Variants in JADE3 observed in about 807,000 individuals in gnomAD.
The protein encoded by JADE3 is jade family PHD finger 3.
JADE3 carries 2 observed loss-of-function variants against 50.1 expected under a neutral mutation model. The observed-to-expected ratio is 0.04, with a 90% CI of 0.02 to 0.13. The LOEUF is 0.13. JADE3 is among the 10% of genes least tolerant of loss of function. JADE3 has a pLI of 1.00. For synonymous variants in JADE3, 218 were observed against 232.9 expected (o/e 0.94, Z 0.58); for missense variants, 475 against 634.4 (o/e 0.75, Z 2.70).
intron 8 of JADE3, among the ~76,000 whole-genome samples, chrX:47,049,638 G>A (rs146640989): frequency 0.016 from 1,701 of 106,655 alleles, 34 homozygotes; most frequent in African/African-American, 0.056. Flanking sequence ...TAGAGACAGG[G>A]TTTCGTCATG....
At chrX:46,972,414 T>A (rs782250781) in intron 1 of JADE3, among the ~76,000 whole-genome samples, 1 of 111,679 alleles carries the variant, frequency 9.0e-6, no homozygotes, top group African/African-American at 3.2e-5. Context: ...CAGGCTGATC[T>A]CGAACTCCTG....
At chrX:46,972,413 C>A (rs914755745) in intron 1 of JADE3, among the ~76,000 whole-genome samples, 1 of 111,392 alleles carries the variant, frequency 9.0e-6, no homozygotes, top group Non-Finnish European at 1.9e-5. Flanking sequence ...CCAGGCTGAT[C>A]TCGAACTCCT....
At chrX:47,038,784 G>A (rs1260959558) in intron 7 of JADE3, among the ~76,000 whole-genome samples, 165 bp from the exon 8 acceptor site, 10 of 111,400 alleles carry the variant, frequency 9.0e-5, no homozygotes, top group African/African-American at 3.3e-4. Flanking sequence ...GGACTGAGCA[G>A]TGGAAATAAG....
intron 4 of JADE3, among the ~76,000 whole-genome samples, chrX:47,011,173 C>T (rs1193195055): frequency 8.9e-6 from 1 of 112,420 alleles, no homozygotes; most frequent in East Asian, 2.8e-4. Flanking sequence ...TTCATAACAA[C>T]CACTAGTCTG....
chrX:47,019,498 C>T (rs986629038), intron 4 of JADE3, among the ~76,000 whole-genome samples: 1 of 111,755 alleles, frequency 8.9e-6, no homozygotes, highest in Non-Finnish European at 1.9e-5. Flanking sequence ...GATCTTCCTG[C>T]CTCAGCCTCC....
intron 1 of JADE3, among the ~76,000 whole-genome samples, chrX:46,941,103 T>C (rs1882124386): frequency 9.1e-6 from 1 of 109,570 alleles, no homozygotes; most frequent in Admixed American, 9.9e-5. Flanking sequence ...TCTCCCCATC[T>C]AGTAGTCCCC....
intron 4 of JADE3, among the ~76,000 whole-genome samples, chrX:47,004,382 C>G (rs1556359868): frequency 8.9e-6 from 1 of 112,280 alleles, no homozygotes; most frequent in Non-Finnish European, 1.9e-5. Context: ...ATGAAACACT[C>G]CAGACCTGGA....
intron 5 of JADE3, 41 bp downstream of exon 5, chrX:47,024,955 GTTT>G (rs200351831): frequency 1.5e-6 from 1 of 668,179 alleles, no homozygotes; most frequent in African/African-American, 2.3e-5. Flanking sequence ...CTTAATTCAT[GTTT>G]TTTTTTTAAG....
At chrX:46,998,035 G>A (rs2147137290) in intron 3 of JADE3, 85 bp from the exon 4 acceptor site, 1 of 761,596 alleles carries the variant, frequency 1.3e-6, no homozygotes, top group South Asian at 3.0e-5. Flanking sequence ...AGAGTGGATG[G>A]GGATGGTCTT....
At chrX:47,041,221 T>C (rs1181089448) in intron 8 of JADE3, among the ~76,000 whole-genome samples, 22 of 112,040 alleles carry the variant, frequency 2.0e-4, no homozygotes, top group Admixed American at 1.0e-3. Flanking sequence ...TTATGGTTTA[T>C]CAAATAAATA....
At position 47,033,743 on chromosome X, in the gene JADE3, A is replaced by G. The variant is rs1353929138; in HGVS notation, c.810A>G (p.Thr270=). 2 of 1,193,096 alleles carry G rather than the reference A, an allele frequency of 1.7e-6. No individual in the cohort carries two copies. The highest frequency in any genetic ancestry group is 1.9e-5 in the South Asian group (1 of 53,747). ...KKGGALKTTK[T]GTKWAHVSCA... is the part of the protein sequence containing the mutation. ...GTGGAGCCCTGAAGACCACCAAGAC[A>G]GGGACTAAATGGGCTCATGTCAGCT... is the stretch of plus-strand genomic sequence containing the variant. The change falls in exon 7 of 11, where the codon ACA becomes ACG. Residue 270 remains threonine, a synonymous_variant. Transcript: ENST00000614628.
intron 1 of JADE3, among the ~76,000 whole-genome samples, chrX:46,915,607 C>G (rs1470982996): frequency 9.0e-6 from 1 of 111,286 alleles, no homozygotes; most frequent in Non-Finnish European, 1.9e-5. Context: ...CATTACAAAC[C>G]AAATAACTAC....
At chrX:47,006,703 G>T (rs1226507722) in intron 4 of JADE3, among the ~76,000 whole-genome samples, 1 of 109,756 alleles carries the variant, frequency 9.1e-6, no homozygotes, top group African/African-American at 3.3e-5. Flanking sequence ...CTAGTGTTGA[G>T]AACTTAATTT....
chrX:46,922,026 C>T (rs1471854291), intron 1 of JADE3, among the ~76,000 whole-genome samples: 2 of 107,933 alleles, frequency 1.9e-5, no homozygotes, highest in African/African-American at 6.8e-5. Context: ...CCCATCAACC[C>T]GTCACCCACT....
chrX:46,929,638 A>C (rs782023107), intron 1 of JADE3, among the ~76,000 whole-genome samples: 1 of 111,840 alleles, frequency 8.9e-6, no homozygotes, highest in South Asian at 3.8e-4. Flanking sequence ...CTGGCTGTGC[A>C]CTGCACAGTA....
At chrX:46,946,243 A>C (rs782141443) in intron 1 of JADE3, among the ~76,000 whole-genome samples, 83 of 112,114 alleles carry the variant, frequency 7.4e-4, no homozygotes, top group South Asian at 3.4e-3. Flanking sequence ...TGGGTCCCAA[A>C]GGAATATAGT....
At chrX:46,955,542 G>A (rs1325637596) in intron 1 of JADE3, among the ~76,000 whole-genome samples, 2 of 112,074 alleles carry the variant, frequency 1.8e-5, no homozygotes, top group Non-Finnish European at 3.8e-5. Context: ...CTTATTGATT[G>A]TGAAATATTC....
rs1310910773 is a variant in JADE3, at chrX:47,061,135, AT to A, written c.*2065del. 2 of 111,464 alleles carry A rather than the reference AT, an allele frequency of 1.8e-5. No homozygotes were observed. Among genetic ancestry groups the A allele is most frequent in the African/African-American group, 6.5e-5 (2 of 30,591 alleles). The allele number at this position is 111,464 out of a possible 1,213,427, so 9.2% of individuals were successfully genotyped here. Reference sequence around the variant, plus strand: ...TATTACCTCTTAACCTTCTTTGTTAATTTTTTTCATTTTGTCTTATATAGTC... The same window carrying A: ...TATTACCTCTTAACCTTCTTTGTTAATTTTTTCATTTTGTCTTATATAGTC... On this transcript the variant is annotated 3_prime_UTR_variant, in exon 11 of 11. Transcript: ENST00000614628.
chrX:46,974,432 G>GA (rs1196424820), intron 1 of JADE3, among the ~76,000 whole-genome samples: 1 of 110,535 alleles, frequency 9.0e-6, no homozygotes, highest in East Asian at 2.8e-4. Flanking sequence ...GAGGTTCTTT[G>GA]ACCACATGGG....
Sources: allele counts gnomAD v4.1 joint callset (sites outside exome capture counted in the v4.1 genomes callset), GRCh38; gene constraint gnomAD v4.1.1; transcripts MANE v1.5; gene names NCBI Gene and HGNC (gene_info 2026-07-23, HGNC 2026-07-21).